ACTR3C: variants seen among roughly 807,000 people sequenced by gnomAD.
The protein encoded by ACTR3C is actin related protein 3C.
In ACTR3C, 18 loss-of-function variants were observed where a neutral mutation model predicts 26.3. The observed-to-expected ratio is 0.68, with a 90% CI of 0.47 to 1.01. The LOEUF is 1.01. Ranked by LOEUF, ACTR3C falls within the 50% of genes least tolerant of loss-of-function variation. The pLI is 0.00. For synonymous variants in ACTR3C, 55 were observed against 94.5 expected, an observed-to-expected ratio of 0.58 and a Z score of 2.42; for missense variants, 184 against 250.7, an observed-to-expected ratio of 0.73 and a Z score of 1.80.
the ACTR3C span, among the ~76,000 whole-genome samples, chr7:150,042,937 AG>A: frequency 3.0e-3 from 459 of 150,704 alleles, 13 homozygotes; most frequent in African/African-American, 0.011. Flanking sequence ...AACTAATGAA[AG>A]ACTCGCTGTT....
chr7:150,037,429 A>C, the ACTR3C span, among the ~76,000 whole-genome samples: 297 of 32,178 alleles, frequency 9.2e-3, 57 homozygotes, highest in South Asian at 0.025. Flanking sequence ...GAACTAGGGG[A>C]TGGCTCTCAA....
At chr7:150,208,739 T>G in the ACTR3C span, among the ~76,000 whole-genome samples, 1 of 152,032 alleles carries the variant, frequency 6.6e-6, no homozygotes, top group East Asian at 1.9e-4. Context: ...AAGATAAAAT[T>G]CACAATATCT....
intron 6 of ACTR3C, among the ~76,000 whole-genome samples, chr7:150,249,427 A>C (rs754339977): frequency 6.6e-6 from 1 of 152,002 alleles, no homozygotes; most frequent in Admixed American, 6.6e-5. Context: ...TGACGGAAGC[A>C]TTTTTTTATT....
At chr7:150,289,659 A>G (rs1836075604) in intron 3 of ACTR3C, 66 bp from the exon 4 acceptor site, 18 of 1,573,662 alleles carry the variant, frequency 1.1e-5, no homozygotes, top group Non-Finnish European at 1.6e-5. Context: ...GCCTGGACTC[A>G]CGAGGTTTCC....
At chr7:150,266,381 G>A (rs1194452189) in intron 6 of ACTR3C, among the ~76,000 whole-genome samples, 1 of 150,270 alleles carries the variant, frequency 6.7e-6, no homozygotes, top group Non-Finnish European at 1.5e-5. Context: ...CATGGAGTGA[G>A]AGGATGAACA....
At chr7:150,035,421 A>G in the ACTR3C span, among the ~76,000 whole-genome samples, 236 of 23,988 alleles carry the variant, frequency 9.8e-3, 38 homozygotes, top group African/African-American at 0.022. Flanking sequence ...GGGAAGAGGG[A>G]CTGGCTCTCA....
the ACTR3C span, among the ~76,000 whole-genome samples, chr7:150,091,734 G>C: frequency 6.8e-6 from 1 of 146,598 alleles, no homozygotes; most frequent in Non-Finnish European, 1.5e-5. Context: ...TGTAATCCCA[G>C]CACTTTGGGA....
chr7:150,078,821 G>C, the ACTR3C span, among the ~76,000 whole-genome samples: 27,598 of 152,078 alleles, frequency 0.18, 2,643 homozygotes, highest in South Asian at 0.27. Context: ...CATCCAATCT[G>C]TTTGATAAAT....
chr7:150,239,918 A>G (rs1037502641), downstream of ACTR3C, among the ~76,000 whole-genome samples: 2 of 151,444 alleles, frequency 1.3e-5, no homozygotes, highest in Non-Finnish European at 3.0e-5. Context: ...CACCTGGTTA[A>G]TTTTTTTTGA....
At chr7:150,039,829 GC>G in the ACTR3C span, among the ~76,000 whole-genome samples, 3 of 92,972 alleles carry the variant, frequency 3.2e-5, no homozygotes, top group African/African-American at 1.3e-4. Context: ...GGGTGCCTCC[GC>G]CCCCAGCGAT....
the ACTR3C span, among the ~76,000 whole-genome samples, chr7:150,149,065 C>T: frequency 1.1e-4 from 14 of 123,248 alleles, no homozygotes; most frequent in African/African-American, 3.1e-4. Flanking sequence ...CTCTTGGTTA[C>T]GAATAAAGTT....
chr7:150,233,170 C>T, the ACTR3C span, among the ~76,000 whole-genome samples: 4 of 151,718 alleles, frequency 2.6e-5, no homozygotes, highest in Non-Finnish European at 2.9e-5. Context: ...TTATTTCCCT[C>T]AGCATTTGTC....
At chr7:150,128,093 C>A in the ACTR3C span, among the ~76,000 whole-genome samples, 1 of 140,996 alleles carries the variant, frequency 7.1e-6, no homozygotes. Flanking sequence ...TAAGTTGCTA[C>A]CAAGTGCCTT....
the ACTR3C span, among the ~76,000 whole-genome samples, chr7:150,134,232 TAAAA>T: frequency 6.4e-5 from 8 of 125,302 alleles, no homozygotes; most frequent in African/African-American, 2.3e-4. Flanking sequence ...CTATATGCAG[TAAAA>T]AAAAAAAAAA....
the ACTR3C span, among the ~76,000 whole-genome samples, chr7:150,227,778 C>T: frequency 1.4e-5 from 2 of 141,618 alleles, no homozygotes; most frequent in Non-Finnish European, 3.0e-5. Context: ...CATTGACTTG[C>T]CTTTGTTCCT....
At chr7:150,209,210 G>C in the ACTR3C span, among the ~76,000 whole-genome samples, 2 of 147,712 alleles carry the variant, frequency 1.4e-5, no homozygotes, top group Non-Finnish European at 3.0e-5. Flanking sequence ...CACATACAGA[G>C]AGAGAGAGAG....
chr7:149,985,673 T>A, the ACTR3C span, among the ~76,000 whole-genome samples: 3 of 152,162 alleles, frequency 2.0e-5, no homozygotes, highest in Non-Finnish European at 2.9e-5. Flanking sequence ...AAATGCACAG[T>A]GCCATCAATG....
the ACTR3C span, among the ~76,000 whole-genome samples, chr7:150,032,888 C>A: frequency 6.6e-6 from 1 of 152,018 alleles, no homozygotes; most frequent in Non-Finnish European, 1.5e-5. Context: ...ATGAAATGAA[C>A]CATGAGCAAA....
At chr7:150,301,234 C>T (rs568628909) in intron 1 of ACTR3C, among the ~76,000 whole-genome samples, 1 of 152,204 alleles carries the variant, frequency 6.6e-6, no homozygotes, top group East Asian at 1.9e-4. Context: ...AATATTTAAA[C>T]TGAGTAGAGG....
Sources: gnomAD v4.1 joint callset for allele counts (sites outside exome capture counted in the v4.1 genomes callset) on GRCh38, gnomAD v4.1.1 for gene constraint, MANE v1.5 for transcripts, NCBI Gene and HGNC (gene_info 2026-07-23, HGNC 2026-07-21) for gene names.